The following TRMT11 variants were observed in gnomAD, a reference collection of about 807,000 sequenced individuals.
The protein encoded by TRMT11 is tRNA methyltransferase 11, also known as tRNA (guanine(10)-N(2))-methyltransferase TRMT11.
TRMT11 carries 53 observed loss-of-function variants against 62.8 expected under a neutral mutation model. That is an observed-to-expected ratio of 0.84 (90% CI 0.68 to 1.06). The LOEUF is 1.06. Among genes scored for constraint, TRMT11 ranks in the 50% least tolerant of loss-of-function variants. TRMT11 has a pLI of 0.00. For synonymous variants in TRMT11, 188 were observed against 190.3 expected (o/e 0.99, Z 0.10); for missense variants, 556 against 553.4 (o/e 1.00, Z -0.05).
At chr6:126,204,018 A>G (rs1265802762), downstream of TRMT11, among the ~76,000 whole-genome samples, 1 of 152,070 alleles carries the variant, frequency 6.6e-6, no homozygotes, top group Non-Finnish European at 1.5e-5. Context: ...AAGAACAACC[A>G]ACTAACCAGG....
Position 126,085,683 on chromosome 6 carries a change from C to T in TRMT11, c.*1438-27183C>T, listed in dbSNP as rs191697305. 1.9e-3 allele frequency among the ~76,000 whole-genome samples: 289 copies of T among 152,244 alleles called. 1 individual carries two copies. The highest frequency in any genetic ancestry group is 3.5e-3 in the Admixed American group (53 of 15,288). ...GTTCAAGGTGATGCCTGCCTGTTGT[C>T]TCTTTTCTAGACTCAGAGGTTAAAA... On this transcript the variant is annotated intron_variant and NMD_transcript_variant, in intron 17 of 22. Transcript: ENST00000648977.
intron 17 of TRMT11, among the ~76,000 whole-genome samples, chr6:126,063,393 A>G (rs995411652): frequency 2.6e-5 from 4 of 152,252 alleles, no homozygotes; most frequent in African/African-American, 9.6e-5. Flanking sequence ...AGAATGTGGG[A>G]AAAGTCTTAC....
intron 21 of TRMT11, among the ~76,000 whole-genome samples, chr6:126,133,967 G>C (rs1335605656): frequency 6.6e-6 from 1 of 151,812 alleles, no homozygotes; most frequent in Non-Finnish European, 1.5e-5. Context: ...AATGAGTTGA[G>C]TTGTTGATAC....
intron 17 of TRMT11, among the ~76,000 whole-genome samples, chr6:126,088,744 TAG>T (rs1777241542): frequency 6.6e-6 from 1 of 152,202 alleles, no homozygotes; most frequent in Non-Finnish European, 1.5e-5. Flanking sequence ...ATCTTTTAAT[TAG>T]AGAGTAAAAT....
At chr6:126,239,161 A>G in the TRMT11 span, among the ~76,000 whole-genome samples, 20 of 152,282 alleles carry the variant, frequency 1.3e-4, no homozygotes, top group Non-Finnish European at 2.5e-4. Flanking sequence ...TTGACTATCC[A>G]ATTTGCCAGT....
downstream of TRMT11, among the ~76,000 whole-genome samples, chr6:126,040,151 T>G (rs1376611714): frequency 2.0e-5 from 3 of 152,244 alleles, no homozygotes; most frequent in East Asian, 5.8e-4. Context: ...TGACTCAATT[T>G]GGAATATGAG....
chr6:126,115,842 C>T (rs535873343), exon 21 of TRMT11, among the ~76,000 whole-genome samples: 1 of 152,022 alleles, frequency 6.6e-6, no homozygotes, highest in South Asian at 2.1e-4. Context: ...TGACTTTTCA[C>T]CCTGGAGTGG....
At chr6:126,209,640 G>A in the TRMT11 span, among the ~76,000 whole-genome samples, 3 of 151,936 alleles carry the variant, frequency 2.0e-5, no homozygotes, top group East Asian at 5.8e-4. Context: ...GCAGGAGAAT[G>A]GCGTGAACTT....
the TRMT11 span, among the ~76,000 whole-genome samples, chr6:126,211,812 A>G: frequency 6.6e-6 from 1 of 152,082 alleles, no homozygotes; most frequent in Non-Finnish European, 1.5e-5. Flanking sequence ...GTTATTAAAA[A>G]TGTACAAAAA....
the TRMT11 span, among the ~76,000 whole-genome samples, chr6:126,210,960 A>G: frequency 6.7e-6 from 1 of 148,426 alleles, no homozygotes; most frequent in East Asian, 2.0e-4. Flanking sequence ...TTGAGGCTAA[A>G]AAGTTAAAGA....
chr6:126,127,771 G>A (rs1305871998), intron 21 of TRMT11, among the ~76,000 whole-genome samples: 5 of 151,214 alleles, frequency 3.3e-5, no homozygotes, highest in African/African-American at 1.2e-4. Flanking sequence ...GAACGCGCCC[G>A]ATCTCGTCCA....
downstream of TRMT11, among the ~76,000 whole-genome samples, chr6:126,042,254 C>T (rs999986352): frequency 6.6e-6 from 1 of 152,160 alleles, no homozygotes; most frequent in African/African-American, 2.4e-5. Context: ...GAACCTGACC[C>T]CTTTCCCTTA....
chr6:126,195,083 T>C (rs1046012572), intron 1 of TRMT11, among the ~76,000 whole-genome samples: 1 of 152,202 alleles, frequency 6.6e-6, no homozygotes, highest in African/African-American at 2.4e-5. Context: ...ACCATTGTAT[T>C]CTAGCCTGGG....
intron 21 of TRMT11, among the ~76,000 whole-genome samples, chr6:126,151,810 C>CTTTCTTTCTTTCTTTG (rs1355544517): frequency 1.4e-5 from 1 of 71,114 alleles, no homozygotes. Flanking sequence ...TCTGTCTTTT[C>CTTTCTTTCTTTCTTTG]TTTCTTTCTT....
At chr6:126,169,018 G>A (rs1214036014) in intron 21 of TRMT11, among the ~76,000 whole-genome samples, 4 of 152,126 alleles carry the variant, frequency 2.6e-5, no homozygotes, top group Non-Finnish European at 5.9e-5. Flanking sequence ...CCAAACAAAC[G>A]AACAAACTAA....
At chr6:126,259,725 T>C in the TRMT11 span, among the ~76,000 whole-genome samples, 1 of 152,200 alleles carries the variant, frequency 6.6e-6, no homozygotes, top group Admixed American at 6.5e-5. Flanking sequence ...GGTCTAATAA[T>C]ATTTGCTTTA....
intron 1 of TRMT11, among the ~76,000 whole-genome samples, chr6:125,992,997 G>T (rs571033679): frequency 6.6e-6 from 1 of 152,110 alleles, no homozygotes; most frequent in Non-Finnish European, 1.5e-5. Context: ...TTTTGATGGC[G>T]GTGGGCTTGG....
chr6:126,133,391 T>G (rs1415599750), intron 21 of TRMT11, among the ~76,000 whole-genome samples: 1 of 152,066 alleles, frequency 6.6e-6, no homozygotes, highest in Non-Finnish European at 1.5e-5. Context: ...TCTAAATTTC[T>G]TTTGAGGTTG....
chr6:126,029,834 A>G (rs779346454), intron 12 of TRMT11, among the ~76,000 whole-genome samples: 8 of 152,204 alleles, frequency 5.3e-5, no homozygotes, highest in Admixed American at 5.2e-4. Context: ...GATAGCATAT[A>G]GAAAGTGTTA....
Sources: allele counts gnomAD v4.1 joint callset (sites outside exome capture counted in the v4.1 genomes callset), GRCh38; gene constraint gnomAD v4.1.1; transcripts MANE v1.5; gene names NCBI Gene and HGNC (gene_info 2026-07-23, HGNC 2026-07-21).